Variants in KASH5 observed in about 807,000 individuals in gnomAD.
KASH5 encodes KASH domain containing 5, also known as protein KASH5.
KASH5 carries 72 observed loss-of-function variants against 84.2 expected under a neutral mutation model. That is an observed-to-expected ratio of 0.85 (90% confidence interval 0.71 to 1.04). The LOEUF is 1.04. Among genes scored for constraint, KASH5 ranks in the 50% least tolerant of loss-of-function variants. The pLI is 0.00. For synonymous variants in KASH5, 260 were observed against 279.1 expected (o/e 0.93, Z 0.68); for missense variants, 650 against 701.0 (o/e 0.93, Z 0.82).
rs1475361960 is a variant in KASH5 at position 49,394,486 on chromosome 19, G to A, written c.54G>A (p.Arg18=). 6 of 1,613,600 alleles carry A rather than the reference G, an allele frequency of 3.7e-6. No homozygotes were observed. Among genetic ancestry groups the A allele is most frequent in the Non-Finnish European group, 5.1e-6 (6 of 1,179,784 alleles). The change falls in exon 3 of 20, where the codon CGG becomes CGA. Residue 18 remains arginine (R), a synonymous_variant. Coordinates refer to ENST00000447857, the MANE Select transcript of KASH5 (RefSeq NM_144688.5). ...VGGPTAEMYL[R]ERPEEARLGM... ...CTCTTGTCTCCCCAGTGTACCTCCGGGAGCGGCCTGAGGAGGCAAGGCTGG... is the reference window on the plus strand; with the variant it reads ...CTCTTGTCTCCCCAGTGTACCTCCGAGAGCGGCCTGAGGAGGCAAGGCTGG...
At chr19:49,408,399 T>G (rs973187479) in intron 12 of KASH5, 1 of 154,424 alleles carries the variant, frequency 6.5e-6, no homozygotes, top group Non-Finnish European at 1.4e-5. Context: ...CATTTTTTCA[T>G]GCATCTCTGC....
chr19:49,406,869 G>A lies in KASH5; in HGVS notation c.799-17G>A, dbSNP rs774527096. 39 of 1,597,072 alleles carry A rather than the reference G, an allele frequency of 2.4e-5. No homozygotes were observed. Among genetic ancestry groups the A allele is most frequent in the Non-Finnish European group, 3.3e-5 (39 of 1,171,270 alleles). ...CCACTTGCTGGAATGAACGTGACCAGCCATTCCTTCTTCTAGAACGGGAAG... is the reference window on the plus strand; with the variant it reads ...CCACTTGCTGGAATGAACGTGACCAACCATTCCTTCTTCTAGAACGGGAAG... On this transcript the variant is annotated splice_polypyrimidine_tract_variant and intron_variant, in intron 9 of 19. Coordinates refer to ENST00000447857, the MANE Select transcript of KASH5 (RefSeq NM_144688.5).
At chr19:49,410,810 T>TTGAGATATAAAAAAACACAG (rs1974686155) in intron 15 of KASH5, among the ~76,000 whole-genome samples, 1 of 150,244 alleles carries the variant, frequency 6.7e-6, no homozygotes, top group Admixed American at 6.6e-5. Context: ...TTTTATAGAG[T>TTGAGATATAAAAAAACACAG]TGAGATCTCA....
chr19:49,398,130 A>C lies in KASH5; in HGVS notation c.616A>C (p.Lys206Gln). The C allele has an allele frequency of 5.1e-6, 8 of 1,583,472 alleles. No individual in the cohort carries two copies. Among genetic ancestry groups the C allele is most frequent in the Non-Finnish European group, 6.9e-6 (8 of 1,158,258 alleles). ...RLGEEILALRKQLHSTQQALQ... is the reference protein window; with the variant it reads ...RLGEEILALRQQLHSTQQALQ... ...TGGGGAGGAGATCTTGGCTCTGCGTAAGCAGCTTCACAGGTGGGCTGGATG... is the reference window on the plus strand; with the variant it reads ...TGGGGAGGAGATCTTGGCTCTGCGTCAGCAGCTTCACAGGTGGGCTGGATG... The change falls in exon 7 of 20, where the codon AAG becomes CAG. Residue 206 changes from lysine (K) to glutamine (Q), a missense_variant. Coordinates refer to ENST00000447857, the MANE Select transcript of KASH5 (RefSeq NM_144688.5).
chr19:49,389,688 G>A (rs1195693933), intron 1 of KASH5: 2 of 152,372 alleles, frequency 1.3e-5, no homozygotes, highest in Non-Finnish European at 2.9e-5. Context: ...GCCCAGGCTC[G>A]ACTGGTGGCC....
At chr19:49,411,960 GAA>G (rs1974731290) in intron 15 of KASH5, among the ~76,000 whole-genome samples, 1 of 148,026 alleles carries the variant, frequency 6.8e-6, no homozygotes, top group African/African-American at 2.6e-5. Flanking sequence ...AGGAAGGAAG[GAA>G]GGAAGGAAGG....
rs577156827 is a variant in KASH5 at position 49,416,095 on chromosome 19, G to A, written c.1375-920G>A. Among the ~76,000 whole-genome samples the A allele has an allele frequency of 1.5e-4, 23 of 152,316 alleles. No homozygotes were observed. The South Asian group carries it at 4.8e-3, about 32-fold the overall frequency. Reference sequence around the variant, plus strand: ...TCAGTGAATTTAGTGTGGTTGCTGGGTGAAAGATCAAAATAAAAAATCATA... The same window carrying A: ...TCAGTGAATTTAGTGTGGTTGCTGGATGAAAGATCAAAATAAAAAATCATA... On this transcript the variant is annotated intron_variant, in intron 17 of 19. Transcript: ENST00000447857. The surrounding 1 kb of genome is among the most constrained non-coding windows in gnomAD (Gnocchi z 5.4).
chr19:49,407,214 G>A, intron 10 of KASH5, 26 bp from the exon 11 acceptor site: 3 of 1,612,236 alleles, frequency 1.9e-6, no homozygotes, highest in Non-Finnish European at 2.5e-6. Context: ...GAGGCTGGAT[G>A]GATGGACCGG....
intron 9 of KASH5, among the ~76,000 whole-genome samples, chr19:49,406,537 C>T (rs1568618640): frequency 6.6e-6 from 1 of 152,104 alleles, no homozygotes; most frequent in Non-Finnish European, 1.5e-5. Flanking sequence ...CTACCATGCC[C>T]AGCTAATTTT....
intron 9 of KASH5, among the ~76,000 whole-genome samples, chr19:49,403,530 A>G (rs912477525): frequency 2.0e-5 from 3 of 152,186 alleles, no homozygotes; most frequent in South Asian, 4.1e-4. Context: ...AGAATATGTG[A>G]CCTTTTTCAG....
intron 15 of KASH5, among the ~76,000 whole-genome samples, chr19:49,412,000 T>C (rs960615229): frequency 9.9e-5 from 15 of 151,714 alleles, no homozygotes; most frequent in Non-Finnish European, 2.2e-4. Context: ...TTTGAGGCAC[T>C]AGCACAGCCT....
At chr19:49,394,836 A>G (rs1568610158) in intron 3 of KASH5, 3 of 586,446 alleles carry the variant, frequency 5.1e-6, no homozygotes, top group Non-Finnish European at 9.1e-6. Flanking sequence ...GGAGGGAGGC[A>G]GCCACCATGG....
chr19:49,411,662 G>A (rs1329245343), intron 15 of KASH5, among the ~76,000 whole-genome samples: 1 of 152,002 alleles, frequency 6.6e-6, no homozygotes, highest in Non-Finnish European at 1.5e-5. Context: ...TGCAACCTGC[G>A]ATGGGCCCAG....
Position 49,409,704 on chromosome 19 carries a change from T to A in KASH5, c.1147-49T>A, listed in dbSNP as rs1019370317. On this transcript the variant is annotated intron_variant, in intron 14 of 19. Coordinates refer to ENST00000447857, the MANE Select transcript of KASH5 (RefSeq NM_144688.5). ...CCTATTTCTATCTCTGACCTTGTTT[T>A]CTACCTTAATATGGCTCTCCCTGAC... The A allele has an allele frequency of 8.1e-6, 13 of 1,612,264 alleles. No homozygotes were observed. The Admixed American group carries it at 1.2e-4, about 14-fold the overall frequency.
rs528507099 is a variant in KASH5, at chr19:49,417,211, G to T, written c.1492G>T (p.Val498Phe). 7.4e-6 allele frequency: 12 copies of T among 1,613,742 alleles called. No homozygotes were observed. Among genetic ancestry groups the T allele is most frequent in the Non-Finnish European group, 9.3e-6 (11 of 1,179,852 alleles). Residue 498 changes from valine to phenylalanine, a missense_variant, in exon 19 of 20, where the codon GTC becomes TTC. By Grantham distance (50) the Val-to-Phe change is conservative. Coordinates refer to ENST00000447857, the MANE Select transcript of KASH5 (RefSeq NM_144688.5). The surrounding 1 kb of genome is among the most constrained non-coding windows in gnomAD (Gnocchi z 5.2). ...CCTGGTGCCTGTGATGAAAAAGCTGGTCCCAGTCAGGAGGAGGGCCTGGGG... is the reference window on the plus strand; with the variant it reads ...CCTGGTGCCTGTGATGAAAAAGCTGTTCCCAGTCAGGAGGAGGGCCTGGGG... ...QALVPVMKKL[V>F]PVRRRAWGQL...
chr19:49,390,548 T>C (rs563814382), intron 1 of KASH5, among the ~76,000 whole-genome samples: 3 of 152,232 alleles, frequency 2.0e-5, no homozygotes, highest in South Asian at 2.1e-4. Flanking sequence ...CGGCAAGCCA[T>C]GTGAAGAAAG....
At chr19:49,410,496 T>TC (rs1247567014) in intron 15 of KASH5, among the ~76,000 whole-genome samples, 9 of 151,142 alleles carry the variant, frequency 6.0e-5, no homozygotes, top group Admixed American at 5.3e-4. Context: ...CTTTTTTTTT[T>TC]TTTTTGAGAT....
chr19:49,411,938 A>G (rs942846740), intron 15 of KASH5, among the ~76,000 whole-genome samples: 1 of 145,154 alleles, frequency 6.9e-6, no homozygotes, highest in African/African-American at 2.7e-5. Context: ...GAAGGAAGGA[A>G]GGAAGGAAGG....
At chr19:49,397,125 A>G (rs1974207205) in intron 5 of KASH5, among the ~76,000 whole-genome samples, 1 of 151,874 alleles carries the variant, frequency 6.6e-6, no homozygotes, top group Non-Finnish European at 1.5e-5. Flanking sequence ...TGGGGAAGGA[A>G]GTTCTCTTCA....
Sources: allele counts gnomAD v4.1 joint callset (sites outside exome capture counted in the v4.1 genomes callset), GRCh38; gene constraint gnomAD v4.1.1; non-coding constraint Gnocchi (gnomAD v3.1); transcripts MANE v1.5; gene names NCBI Gene and HGNC (gene_info 2026-07-23, HGNC 2026-07-21).